The following TTLL5 variants were observed in gnomAD, a reference collection of about 807,000 sequenced individuals.
TTLL5 encodes tubulin tyrosine ligase like 5.
A neutral mutation model predicts 168.4 loss-of-function variants in TTLL5; 132 were observed. The ratio of observed to expected loss-of-function variants is 0.78; its 90% CI spans 0.68 to 0.91. The LOEUF (loss-of-function observed/expected upper bound fraction) is 0.91, where lower values mean the gene tolerates loss of function less well. TTLL5 is among the 40% of genes least tolerant of loss of function. The pLI is 0.00. For missense variants in TTLL5, 1,545 were observed against 1,581.5 expected (o/e 0.98, Z 0.39); for synonymous variants, 546 against 558.6 (o/e 0.98, Z 0.32).
At chr14:75,927,737 ACTCT>A (rs1226261850) in intron 31 of TTLL5, among the ~76,000 whole-genome samples, 2 of 151,820 alleles carry the variant, frequency 1.3e-5, no homozygotes, top group Admixed American at 1.3e-4. Flanking sequence ...GCCTGGCCTC[ACTCT>A]CTTTTTCCCT....
chr14:75,754,969 A>G (rs1890153192), intron 18 of TTLL5, among the ~76,000 whole-genome samples: 1 of 152,240 alleles, frequency 6.6e-6, no homozygotes, highest in Middle Eastern at 3.4e-3. Flanking sequence ...CTTTGATTAA[A>G]AAAAACATAA....
At chr14:75,864,991 C>T (rs999702307) in intron 29 of TTLL5, among the ~76,000 whole-genome samples, 3 of 151,954 alleles carry the variant, frequency 2.0e-5, no homozygotes, top group Admixed American at 6.6e-5. Flanking sequence ...TCTTTACCTG[C>T]GGTAGTATAC....
intron 12 of TTLL5, among the ~76,000 whole-genome samples, chr14:75,729,302 A>G (rs1888383728): frequency 6.6e-6 from 1 of 152,148 alleles, no homozygotes; most frequent in African/African-American, 2.4e-5. Context: ...GGTGTATCTC[A>G]TTGTGGATAC....
At chr14:75,924,768 C>T (rs2033953819) in intron 31 of TTLL5, among the ~76,000 whole-genome samples, 1 of 152,162 alleles carries the variant, frequency 6.6e-6, no homozygotes, top group African/African-American at 2.4e-5. Flanking sequence ...CCGCCATTGT[C>T]ATCCCGGCCC....
At chr14:75,718,056 C>A in intron 10 of TTLL5, 94 bp downstream of exon 10, 1 of 1,038,566 alleles carries the variant, frequency 9.6e-7, no homozygotes, top group Non-Finnish European at 1.5e-6. Flanking sequence ...TGGAGGACAA[C>A]TTTACATTAA....
intron 28 of TTLL5, among the ~76,000 whole-genome samples, chr14:75,854,086 A>G (rs921395012): frequency 6.6e-6 from 1 of 152,152 alleles, no homozygotes; most frequent in Admixed American, 6.5e-5. Flanking sequence ...TTACTGTTCA[A>G]TTTGATGAGT....
chr14:75,669,571 G>A (rs1410762610), intron 3 of TTLL5, 49 bp downstream of exon 3: 28 of 1,525,352 alleles, frequency 1.8e-5, no homozygotes, highest in African/African-American at 2.8e-5. Context: ...TGGCCCAGAC[G>A]TCCTTGTCTT....
rs563243448 is a variant in TTLL5 at position 75,717,901 on chromosome 14, C to A, written c.781C>A (p.Arg261=). The A allele has an allele frequency of 6.2e-7, 1 of 1,613,792 alleles. No individual in the cohort carries two copies. Among genetic ancestry groups the A allele is most frequent in the South Asian group, 1.1e-5 (1 of 91,060 alleles). The change falls in exon 10 of 32, where the codon CGG becomes AGG. Residue 261 remains arginine (R), a synonymous_variant. Coordinates refer to ENST00000298832, the MANE Select transcript of TTLL5 (RefSeq NM_015072.5). ...ATATGATCAAGGAGCCAAGAACATT[C>A]GGAACCAGTTCATGCATCTGACAAA... ...VRYDQGAKNI[R]NQFMHLTNYS...
chr14:75,737,520 T>A, intron 15 of TTLL5: 1 of 1,510,912 alleles, frequency 6.6e-7, no homozygotes. Context: ...AATGTAGGCA[T>A]ATTAGGAGAA....
chr14:75,899,943 T>G (rs2032847484), intron 30 of TTLL5, among the ~76,000 whole-genome samples: 6 of 144,440 alleles, frequency 4.2e-5, no homozygotes, highest in Admixed American at 2.1e-4. Flanking sequence ...CTTCCCTTTT[T>G]TTTTTTTTTT....
intron 23 of TTLL5, 82 bp downstream of exon 23, chr14:75,776,932 C>G: frequency 1.8e-6 from 2 of 1,112,220 alleles, no homozygotes; most frequent in Non-Finnish European, 2.6e-6. Flanking sequence ...TCCTTTGTTT[C>G]TGATACATGG....
intron 28 of TTLL5, among the ~76,000 whole-genome samples, chr14:75,854,317 A>G (rs1009202092): frequency 2.0e-5 from 3 of 152,146 alleles, no homozygotes; most frequent in Non-Finnish European, 4.4e-5. Context: ...CATTCAATAC[A>G]GTGTTTTTGA....
chr14:75,696,027 G>T (rs1885833425), intron 6 of TTLL5, among the ~76,000 whole-genome samples: 1 of 151,506 alleles, frequency 6.6e-6, no homozygotes, highest in African/African-American at 2.4e-5. Flanking sequence ...AAGCAGCTAG[G>T]ACTACAGCCA....
At chr14:75,911,055 G>C (rs1386895543) in intron 31 of TTLL5, among the ~76,000 whole-genome samples, 1 of 151,984 alleles carries the variant, frequency 6.6e-6, no homozygotes, top group African/African-American at 2.4e-5. Flanking sequence ...TCAGAGTCTC[G>C]CTCTGTCACC....
At position 75,766,340 on chromosome 14, in the gene TTLL5, C is replaced by T. The variant is rs754048173; in HGVS notation, c.1987C>T (p.Gln663Ter). ...QELEPKFNLMQILQDNGNLSK... is the reference protein window; with the variant it reads ...QELEPKFNLM ...GCTAGAGCCTAAATTTAACCTGATG[C>T]AGATTCTTCAAGATAATGGCAATCT... Residue 663 changes from glutamine (Q) to a stop codon, truncating the protein, a stop_gained, in exon 20 of 32, where the codon CAG (glutamine) becomes TAG (stop). Transcript: ENST00000298832. LOFTEE classifies it high-confidence loss of function. The T allele has an allele frequency of 1.2e-6, 2 of 1,612,212 alleles. No homozygotes were observed. The highest frequency in any genetic ancestry group is 1.3e-5 in the African/African-American group (1 of 74,762).
Position 75,721,310 on chromosome 14 carries a change from A to G in TTLL5, c.1042+607A>G, listed in dbSNP as rs1403173955. Reference sequence around the variant, plus strand: ...AATGTTACCTACTGACCCCCTAGCTATAATGGTAGCACTGAGGGTGCCTAT... The same window carrying G: ...AATGTTACCTACTGACCCCCTAGCTGTAATGGTAGCACTGAGGGTGCCTAT... On this transcript the variant is annotated intron_variant, in intron 12 of 31. Transcript: ENST00000298832. 2.6e-5 allele frequency among the ~76,000 whole-genome samples: 4 copies of G among 152,152 alleles called. No homozygotes were observed. The East Asian group carries it at 5.8e-4, about 22-fold the overall frequency.
chr14:75,759,270 T>A lies in TTLL5; in HGVS notation c.1551-5345T>A, dbSNP rs1213440315. 8.5e-5 allele frequency among the ~76,000 whole-genome samples: 13 copies of A among 152,266 alleles called. No homozygotes were observed. In the East Asian group the frequency reaches 2.5e-3, roughly 29 times the overall value. ...AACTTTATTCCATTACTTTGACAGC[T>A]TAGTTGAAATGACAATTCTTTGTGG... On this transcript the variant is annotated intron_variant, in intron 18 of 31. Coordinates refer to ENST00000298832, the MANE Select transcript of TTLL5 (RefSeq NM_015072.5).
At position 75,755,542 on chromosome 14, in the gene TTLL5, A is replaced by C. The variant is rs573778044; in HGVS notation, c.1550+2587A>C. On this transcript the variant is annotated intron_variant, in intron 18 of 31. Transcript: ENST00000298832. ...ACTCCCAGCCCTTCTTTTATCCCTC[A>C]GTCTAATTTAGATTCCCAGATTGTA... 5.9e-4 allele frequency among the ~76,000 whole-genome samples: 90 copies of C among 152,108 alleles called. No homozygotes were observed. In the South Asian group the frequency reaches 0.019, roughly 31 times the overall value.
intron 13 of TTLL5, 44 bp downstream of exon 13, chr14:75,732,463 G>A: frequency 6.6e-7 from 1 of 1,522,288 alleles, no homozygotes; most frequent in South Asian, 1.2e-5. Flanking sequence ...TCTTCAAGTA[G>A]TACTTAAAGC....
Sources: gnomAD v4.1 joint callset for allele counts (sites outside exome capture counted in the v4.1 genomes callset) on GRCh38, gnomAD v4.1.1 for gene constraint, MANE v1.5 for transcripts, NCBI Gene and HGNC (gene_info 2026-07-23, HGNC 2026-07-21) for gene names.